PCNT: variants seen among roughly 807,000 people sequenced by gnomAD.
The protein encoded by PCNT is pericentrin.
A neutral mutation model predicts 380.4 loss-of-function variants in PCNT; 319 were observed. The ratio of observed to expected loss-of-function variants is 0.84; its 90% confidence interval spans 0.77 to 0.92. The LOEUF is 0.92. Ranked by LOEUF, PCNT falls within the 40% of genes least tolerant of loss-of-function variation. The probability of loss-of-function intolerance (pLI) is 0.00; values close to 1 mark genes in which losing one functional copy is unlikely to be tolerated. For synonymous variants in PCNT, 1,845 were observed against 1,735.2 expected (o/e 1.06, Z -1.57); for missense variants, 4,400 against 4,255.3 (o/e 1.03, Z -0.95).
intron 27 of PCNT, among the ~76,000 whole-genome samples, chr21:46,404,026 G>A (rs1162176765): frequency 2.8e-5 from 4 of 140,602 alleles, no homozygotes; most frequent in African/African-American, 5.6e-5. Flanking sequence ...AGAATTGTGT[G>A]TGTGTGGTGC....
At chr21:46,383,906 G>T (rs1392655314) in intron 16 of PCNT, among the ~76,000 whole-genome samples, 11 of 143,920 alleles carry the variant, frequency 7.6e-5, no homozygotes, top group African/African-American at 2.8e-4. Context: ...TGGCAGAAGC[G>T]CATTCACAGT....
At chr21:46,333,719 G>A (rs903448086) in intron 2 of PCNT, among the ~76,000 whole-genome samples, 2 of 151,552 alleles carry the variant, frequency 1.3e-5, no homozygotes, top group Non-Finnish European at 2.9e-5. Flanking sequence ...TGGCCAACAT[G>A]GTGAAACCCC....
chr21:46,427,835 G>C, intron 34 of PCNT, 40 bp downstream of exon 34: 1 of 1,607,052 alleles, frequency 6.2e-7, no homozygotes, highest in Non-Finnish European at 8.5e-7. Flanking sequence ...GTTTGCCCCA[G>C]GGGTCCAGCC....
At chr21:46,361,421 C>T (rs1253800818) in intron 13 of PCNT, among the ~76,000 whole-genome samples, 1 of 152,172 alleles carries the variant, frequency 6.6e-6, no homozygotes, top group Non-Finnish European at 1.5e-5. Flanking sequence ...AATACACATT[C>T]TTAACCTTGT....
In PCNT at chr21:46,391,443, C is replaced by T. The variant is rs2086030305; in HGVS notation, c.4216+67C>T. 4 of 1,330,784 alleles carry T rather than the reference C, an allele frequency of 3.0e-6. No individual in the cohort carries two copies. In the Admixed American group the frequency reaches 6.2e-5, roughly 20 times the overall value. The allele number at this position is 1,330,784 out of a possible 1,614,324, so 82.4% of individuals were successfully genotyped here. ...CGCGGATACAGCTGCCACGGTTTCC[C>T]CAGCTCCCAAGGACACTCAGTGTCT... On this transcript the variant is annotated intron_variant, in intron 21 of 46. Coordinates refer to ENST00000359568, the MANE Select transcript of PCNT (RefSeq NM_006031.6).
At chr21:46,334,341 A>T in intron 2 of PCNT, 56 bp from the exon 3 acceptor site, 3 of 1,612,754 alleles carry the variant, frequency 1.9e-6, no homozygotes, top group Non-Finnish European at 2.5e-6. Flanking sequence ...GAAGGGCCTG[A>T]GGCTGCAGCC....
chr21:46,325,264 G>A (rs2083340213), intron 1 of PCNT: 1 of 936,890 alleles, frequency 1.1e-6, no homozygotes, highest in Non-Finnish European at 1.3e-6. Flanking sequence ...GGAAGAGCGG[G>A]GCTCCCGGGC....
At position 46,363,864 on chromosome 21, in the gene PCNT, C is replaced by T; in HGVS notation, c.2539C>T (p.Gln847Ter). 6.2e-7 allele frequency: 1 copy of T among 1,612,416 alleles called. No individual in the cohort carries two copies. Among genetic ancestry groups the T allele is most frequent in the Non-Finnish European group, 8.5e-7 (1 of 1,179,388 alleles). ...GTGTGGGCGGGAGCCGCCCACAGCC[C>T]AGGACGGGGAGCTTGCTGCGCTCCA... ...SQCGREPPTA[Q>*]DGELAALHVK... The change falls in exon 14 of 47, where the codon CAG becomes TAG. Residue 847 changes from glutamine (Q) to a stop codon, truncating the protein, a stop_gained. Transcript: ENST00000359568. LOFTEE classifies it high-confidence loss of function.
In PCNT at chr21:46,367,424, C is replaced by T. The variant is rs908163064; in HGVS notation, c.3165+285C>T. ...CTGGGTTCAAGTGATTCTTCTGCCT[C>T]AGCCTCCCAAGTAGCTGGGATTATA... On this transcript the variant is annotated intron_variant, in intron 15 of 46. Transcript: ENST00000359568. 3.0e-4 allele frequency among the ~76,000 whole-genome samples: 46 copies of T among 151,860 alleles called. 1 individual carries two copies. Among genetic ancestry groups the T allele is most frequent in the African/African-American group, 1.1e-3 (44 of 41,440 alleles).
chr21:46,325,184 C>G (rs1391427678), intron 1 of PCNT: 15 of 985,752 alleles, frequency 1.5e-5, no homozygotes, highest in Non-Finnish European at 1.8e-5. Context: ...CGAGGCGGAA[C>G]CGCGGGAGCA....
chr21:46,346,581 C>A, intron 4 of PCNT, 162 bp from the exon 5 acceptor site: 1 of 856,534 alleles, frequency 1.2e-6, no homozygotes, highest in Non-Finnish European at 1.8e-6. Flanking sequence ...GGTGGCATCT[C>A]AGTGGCATCC....
At chr21:46,344,679 C>T (rs980645776) in intron 3 of PCNT, among the ~76,000 whole-genome samples, 2 of 152,220 alleles carry the variant, frequency 1.3e-5, no homozygotes, top group African/African-American at 2.4e-5. Context: ...AGAGAATGGT[C>T]GCTTCCACAG....
chr21:46,440,151 C>T lies in PCNT; in HGVS notation c.9342C>T (p.Pro3114=), dbSNP rs559240010. The T allele has an allele frequency of 1.1e-5, 17 of 1,614,132 alleles. No individual in the cohort carries two copies. Among genetic ancestry groups the T allele is most frequent in the African/African-American group, 8.0e-5 (6 of 75,050 alleles). Reference sequence around the variant, plus strand: ...AGAGTTCCCTGAGGCGCCCAGACCCCGGCCGGCTTCCACCAGCTGCCAGCG... The same window carrying T: ...AGAGTTCCCTGAGGCGCCCAGACCCTGGCCGGCTTCCACCAGCTGCCAGCG... ...APQSSLRRPD[P]GRLPPAASEE... The change falls in exon 42 of 47, where the codon CCC becomes CCT. Residue 3114 remains proline, a synonymous_variant. Transcript: ENST00000359568.
rs2087779557 is a variant in PCNT at position 46,431,896 on chromosome 21, T to TGCAGCAGCAAGCCCTGCATTCTCA, written c.8441_8464dup (p.Gln2814_Gln2821dup). 6.2e-7 allele frequency: 1 copy of TGCAGCAGCAAGCCCTGCATTCTCA among 1,613,918 alleles called. No individual in the cohort carries two copies. The highest frequency in any genetic ancestry group is 8.5e-7 in the Non-Finnish European group (1 of 1,180,030). On this transcript the variant is annotated inframe_insertion, in exon 38 of 47. Coordinates refer to ENST00000359568, the MANE Select transcript of PCNT (RefSeq NM_006031.6). ...GACTTGCAAGCGATGCTTGAAAAGG[T>TGCAGCAGCAAGCCCTGCATTCTCA]GCAGCAGCAAGCCCTGCATTCTCAG...
rs1428678589 is a variant in PCNT at position 46,383,768 on chromosome 21, G to A, written c.3312+1928G>A. ...CAGTGCTGTGCATTCAGCAGCGGAA[G>A]CGCATTCACGGTGTTGTGCGTTCAG... On this transcript the variant is annotated intron_variant, in intron 16 of 46. Transcript: ENST00000359568. Among the ~76,000 whole-genome samples, 2 of 137,016 alleles carry A rather than the reference G, an allele frequency of 1.5e-5. 1 individual carries two copies. Among genetic ancestry groups the A allele is most frequent in the South Asian group, 4.8e-4 (2 of 4,124 alleles). 89.9% of individuals were successfully genotyped at this position (137,016 alleles called of 152,430 possible).
At chr21:46,348,983 G>A in intron 6 of PCNT, 29 bp from the exon 7 acceptor site, 2 of 1,387,948 alleles carry the variant, frequency 1.4e-6, no homozygotes, top group Non-Finnish European at 2.0e-6. Flanking sequence ...ATCAACTATT[G>A]AGTTTAATTT....
chr21:46,390,460 G>A (rs1395651773), intron 19 of PCNT, among the ~76,000 whole-genome samples: 1 of 152,168 alleles, frequency 6.6e-6, no homozygotes, highest in Non-Finnish European at 1.5e-5. Context: ...GGCTGAACTG[G>A]GAGGCTGAGG....
intron 27 of PCNT, 76 bp downstream of exon 27, chr21:46,402,559 A>G (rs1435550536): frequency 1.3e-6 from 2 of 1,505,450 alleles, no homozygotes; most frequent in East Asian, 4.5e-5. Flanking sequence ...CAAGACCCTC[A>G]TCGGGGAGGC....
chr21:46,357,681 G>C (rs972547383), intron 13 of PCNT, among the ~76,000 whole-genome samples: 1 of 152,122 alleles, frequency 6.6e-6, no homozygotes, highest in African/African-American at 2.4e-5. Context: ...TGCCTGCCTT[G>C]GCCTCCTACA....
Sources: gnomAD v4.1 joint callset for allele counts (sites outside exome capture counted in the v4.1 genomes callset) on GRCh38, gnomAD v4.1.1 for gene constraint, MANE v1.5 for transcripts, NCBI Gene and HGNC (gene_info 2026-07-23, HGNC 2026-07-21) for gene names.